Variants in HEMK2 observed in about 807,000 individuals in gnomAD.
HEMK2 encodes methyltransferase HEMK2.
chr21:28,784,236 C>T, the HEMK2 span, among the ~76,000 whole-genome samples: 1 of 152,248 alleles, frequency 6.6e-6, no homozygotes, highest in South Asian at 2.1e-4. Flanking sequence ...CTAGTGGGGA[C>T]TTGGAGAACC....
the HEMK2 span, among the ~76,000 whole-genome samples, chr21:28,745,468 G>A: frequency 4.6e-5 from 7 of 152,142 alleles, no homozygotes; most frequent in East Asian, 1.9e-4. Context: ...CCCTGGCCCC[G>A]TCAGTTAGAG....
the HEMK2 span, among the ~76,000 whole-genome samples, chr21:28,692,014 G>C: frequency 6.6e-6 from 1 of 152,136 alleles, no homozygotes; most frequent in Non-Finnish European, 1.5e-5. Context: ...TGGAACAAAT[G>C]TTCTACTCTT....
chr21:28,746,241 A>T, the HEMK2 span, among the ~76,000 whole-genome samples: 2 of 152,334 alleles, frequency 1.3e-5, no homozygotes, highest in East Asian at 1.9e-4. Flanking sequence ...TGTGGCAGGC[A>T]GTATTCTGTA....
the HEMK2 span, among the ~76,000 whole-genome samples, chr21:28,624,319 A>G: frequency 2.0e-5 from 3 of 152,228 alleles, no homozygotes; most frequent in African/African-American, 7.2e-5. Context: ...TCTCCTCTCC[A>G]TTGAGAAGTC....
chr21:28,761,152 A>AG, the HEMK2 span, among the ~76,000 whole-genome samples: 1 of 152,110 alleles, frequency 6.6e-6, no homozygotes, highest in Admixed American at 6.6e-5. Context: ...TTATTGACTG[A>AG]GGTTTTTTGA....
At chr21:28,608,265 T>C in the HEMK2 span, among the ~76,000 whole-genome samples, 52 of 152,274 alleles carry the variant, frequency 3.4e-4, 1 homozygote, top group Admixed American at 9.2e-4. Context: ...GTCAGTTTAA[T>C]AATATGTTTT....
the HEMK2 span, among the ~76,000 whole-genome samples, chr21:28,660,675 G>T: frequency 1.3e-5 from 2 of 151,826 alleles, no homozygotes; most frequent in Non-Finnish European, 2.9e-5. Flanking sequence ...AGGAGTTTTG[G>T]ACCATTGTTA....
At chr21:28,813,659 A>G in the HEMK2 span, among the ~76,000 whole-genome samples, 2 of 152,204 alleles carry the variant, frequency 1.3e-5, no homozygotes, top group Non-Finnish European at 2.9e-5. Flanking sequence ...GAGGCATCAC[A>G]TTACCTGACT....
chr21:28,776,133 C>T, the HEMK2 span, among the ~76,000 whole-genome samples: 8 of 152,116 alleles, frequency 5.3e-5, no homozygotes, highest in South Asian at 2.1e-4. Context: ...AGACAGGCAG[C>T]GTCAAGAAGA....
chr21:28,609,028 C>T, the HEMK2 span, among the ~76,000 whole-genome samples: 5 of 152,208 alleles, frequency 3.3e-5, no homozygotes, highest in East Asian at 1.9e-4. Flanking sequence ...TGGCCCCACC[C>T]ACCACCTGTT....
At chr21:28,779,698 T>C in the HEMK2 span, among the ~76,000 whole-genome samples, 5 of 152,180 alleles carry the variant, frequency 3.3e-5, no homozygotes, top group Non-Finnish European at 5.9e-5. Flanking sequence ...AAACTTTCTC[T>C]CTAGATCTTT....
the HEMK2 span, among the ~76,000 whole-genome samples, chr21:28,604,464 G>A: frequency 6.6e-6 from 1 of 152,196 alleles, no homozygotes; most frequent in Non-Finnish European, 1.5e-5. Flanking sequence ...GGAGTAGTTT[G>A]TACCATTCCC....
At chr21:28,705,491 TTCTTC>T in the HEMK2 span, among the ~76,000 whole-genome samples, 1 of 152,202 alleles carries the variant, frequency 6.6e-6, no homozygotes, top group African/African-American at 2.4e-5. Flanking sequence ...ATCTCTTGGC[TTCTTC>T]TCTTATTACT....
At chr21:28,873,074 C>T in the HEMK2 span, 1 of 152,200 alleles carries the variant, frequency 6.6e-6, no homozygotes, top group African/African-American at 2.4e-5. Context: ...TTAACTGCCA[C>T]ATAAAGACAA....
chr21:28,650,171 TG>T, the HEMK2 span, among the ~76,000 whole-genome samples: 2 of 151,906 alleles, frequency 1.3e-5, no homozygotes, highest in African/African-American at 4.8e-5. Flanking sequence ...CCAAGGCGGG[TG>T]GATCACAAGG....
the HEMK2 span, among the ~76,000 whole-genome samples, chr21:28,741,350 G>A: frequency 1.2e-4 from 18 of 152,338 alleles, no homozygotes; most frequent in East Asian, 3.3e-3. Context: ...GAAAATGTGT[G>A]TATTAGGCAT....
chr21:28,738,364 A>G, the HEMK2 span, among the ~76,000 whole-genome samples: 1 of 152,138 alleles, frequency 6.6e-6, no homozygotes, highest in Non-Finnish European at 1.5e-5. Context: ...TTATTGGGAG[A>G]AGGTGTTGGC....
the HEMK2 span, among the ~76,000 whole-genome samples, chr21:28,591,736 G>A: frequency 6.6e-6 from 1 of 151,948 alleles, no homozygotes; most frequent in Non-Finnish European, 1.5e-5. Flanking sequence ...AGTGTCTGTT[G>A]TTCCCCTATA....
At chr21:28,722,227 A>G in the HEMK2 span, among the ~76,000 whole-genome samples, 1 of 152,100 alleles carries the variant, frequency 6.6e-6, no homozygotes, top group African/African-American at 2.4e-5. Flanking sequence ...AAAATTGATA[A>G]AAGAGAATAC....
Sources: gnomAD v4.1 joint callset for allele counts (sites outside exome capture counted in the v4.1 genomes callset) on GRCh38, gnomAD v4.1.1 for gene constraint, MANE v1.5 for transcripts, NCBI Gene and HGNC (gene_info 2026-07-23, HGNC 2026-07-21) for gene names.